SETD2: variants seen among roughly 807,000 people sequenced by gnomAD.
SETD2 encodes the protein histone-lysine N-methyltransferase SETD2.
SETD2 carries 31 observed loss-of-function variants against 242.1 expected under a neutral mutation model. The ratio of observed to expected loss-of-function variants is 0.13; its 90% confidence interval spans 0.10 to 0.17. The LOEUF is 0.17. Among genes scored for constraint, SETD2 ranks in the 10% least tolerant of loss-of-function variants. The pLI is 1.00. For missense variants in SETD2, 2,481 were observed against 3,046.3 expected (o/e 0.81, Z 4.37); for synonymous variants, 1,006 against 1,066.5 (o/e 0.94, Z 1.11).
intron 1 of SETD2, among the ~76,000 whole-genome samples, chr3:47,143,651 CTT>C (rs1397128993): frequency 1.3e-5 from 2 of 152,090 alleles, no homozygotes. Flanking sequence ...ATAAAACAAA[CTT>C]TTATCAGAAC....
At chr3:47,161,690 C>G (rs1259323287) in intron 1 of SETD2, among the ~76,000 whole-genome samples, 1 of 152,212 alleles carries the variant, frequency 6.6e-6, no homozygotes, top group Non-Finnish European at 1.5e-5. Flanking sequence ...AATCCCAGCA[C>G]TTTGGGAGGC....
intron 12 of SETD2, among the ~76,000 whole-genome samples, chr3:47,079,207 TAAG>T (rs779405637): frequency 2.2e-4 from 33 of 152,156 alleles, no homozygotes; most frequent in Non-Finnish European, 3.5e-4. Context: ...TTTAAAGTAT[TAAG>T]AAGGAAAATG....
At chr3:47,044,291 C>T (rs1003016136) in intron 16 of SETD2, among the ~76,000 whole-genome samples, 4 of 125,242 alleles carry the variant, frequency 3.2e-5, no homozygotes, top group East Asian at 2.6e-4. Context: ...TGCAGTGAGC[C>T]GCGAGATCAA....
chr3:47,111,987 T>C (rs1195962652), intron 5 of SETD2, among the ~76,000 whole-genome samples: 1 of 152,214 alleles, frequency 6.6e-6, no homozygotes, highest in Non-Finnish European at 1.5e-5. Context: ...TCTAAGTTAC[T>C]AGAATCCAGC....
At chr3:47,031,599 G>A (rs994634941) in intron 18 of SETD2, among the ~76,000 whole-genome samples, 6 of 152,192 alleles carry the variant, frequency 3.9e-5, no homozygotes, top group Admixed American at 2.6e-4. Flanking sequence ...ATGAGAGAAT[G>A]AAGAGTGCTG....
rs538679501 is a variant in SETD2, at chr3:47,087,829, C to T, written c.5277+284G>A. On this transcript the variant is annotated intron_variant, in intron 10 of 20. Transcript: ENST00000409792. ...TAAGAAAATACAAAAATCAGCTGGG[C>T]GTGGTGGCTGGCGCCTGTAATCCCA... 1.1e-4 allele frequency among the ~76,000 whole-genome samples: 17 copies of T among 149,068 alleles called. No homozygotes were observed. In the East Asian group the frequency reaches 3.2e-3, roughly 28 times the overall value.
intron 5 of SETD2, among the ~76,000 whole-genome samples, chr3:47,111,878 C>T (rs760433970): frequency 7.9e-5 from 12 of 152,032 alleles, no homozygotes; most frequent in Non-Finnish European, 1.8e-4. Flanking sequence ...GTTTTGAATT[C>T]CCACAATAAA....
In SETD2 at chr3:47,089,766, C is replaced by T. The variant is rs185273485; in HGVS notation, c.5143-1519G>A. Among the ~76,000 whole-genome samples, 241 of 151,918 alleles carry T rather than the reference C, an allele frequency of 1.6e-3. 3 individuals carry two copies. The highest frequency in any genetic ancestry group is 5.8e-3 in the Admixed American group (89 of 15,244). ...ATGTTACATAGAACTAAGAGGCCTA[C>T]ATAAGGGAGTAATTAGAATGAGTCA... On this transcript the variant is annotated intron_variant, in intron 9 of 20. Coordinates refer to ENST00000409792, the MANE Select transcript of SETD2 (RefSeq NM_014159.7).
rs1553707534 is a variant in SETD2 at position 47,163,899 on chromosome 3, G to A, written c.26C>T (p.Pro9Leu). The part of the protein sequence containing the change: MKQLQPQP[P>L]PKMGDFYDPE... ...GTCGTAGAAATCCCCCATCTTCGGA[G>A]GCGGCTGCGGCTGCAGCTGCTTCAT... Residue 9 changes from proline to leucine, a missense_variant, in exon 1 of 21, where the codon CCT (proline) becomes CTT (leucine). Coordinates refer to ENST00000409792, the MANE Select transcript of SETD2 (RefSeq NM_014159.7). 1.5e-6 allele frequency: 2 copies of A among 1,316,402 alleles called. No individual in the cohort carries two copies. Among genetic ancestry groups the A allele is most frequent in the Admixed American group, 3.1e-5 (1 of 32,012 alleles). 81.5% of individuals were successfully genotyped at this position (1,316,402 alleles called of 1,614,324 possible).
chr3:47,117,277 A>AC (rs1203283065), intron 3 of SETD2, among the ~76,000 whole-genome samples: 2 of 85,580 alleles, frequency 2.3e-5, no homozygotes, highest in Non-Finnish European at 4.6e-5. Context: ...AAAAAAAAAA[A>AC]AAACAAACAA....
intron 1 of SETD2, chr3:47,138,305 T>C: frequency 3.3e-6 from 1 of 303,978 alleles, no homozygotes; most frequent in Admixed American, 3.1e-5. Flanking sequence ...AGTCTCACTC[T>C]GTCGCCCAGG....
intron 1 of SETD2, among the ~76,000 whole-genome samples, chr3:47,151,441 T>C (rs532252064): frequency 3.9e-5 from 6 of 152,098 alleles, no homozygotes; most frequent in Non-Finnish European, 8.8e-5. Flanking sequence ...AACAAAAAAA[T>C]TGTGCAGCAC....
intron 12 of SETD2, among the ~76,000 whole-genome samples, chr3:47,068,688 G>C (rs1203826625): frequency 6.6e-6 from 1 of 151,974 alleles, no homozygotes; most frequent in Non-Finnish European, 1.5e-5. Context: ...GTAAAGACAG[G>C]GTTTCACCAT....
rs183862100 is a variant in SETD2 at position 47,088,294 on chromosome 3, A to C, written c.5143-47T>G. Reference sequence around the variant, plus strand: ...CCTTTTTATAAAACAACAACAACAAAAAAAAAAACCAAAAACCCAAAAAGT... The same window carrying C: ...CCTTTTTATAAAACAACAACAACAACAAAAAAAACCAAAAACCCAAAAAGT... On this transcript the variant is annotated intron_variant, in intron 9 of 20. Transcript: ENST00000409792. 9,547 of 1,561,232 alleles carry C rather than the reference A, an allele frequency of 6.1e-3. 62 individuals carry two copies. The highest frequency in any genetic ancestry group is 0.022 in the African/African-American group (1,548 of 71,950).
chr3:47,061,271 T>C (rs906320257), intron 14 of SETD2, among the ~76,000 whole-genome samples: 9 of 152,062 alleles, frequency 5.9e-5, no homozygotes, highest in Non-Finnish European at 1.3e-4. Context: ...TACAAACCTA[T>C]AGTAACCAAA....
chr3:47,092,591 C>A (rs1444643101), intron 9 of SETD2, among the ~76,000 whole-genome samples: 1 of 150,274 alleles, frequency 6.7e-6, no homozygotes, highest in Non-Finnish European at 1.5e-5. Flanking sequence ...TATATATGCA[C>A]AATTCTATAG....
At chr3:47,076,577 C>T (rs1336249919) in intron 12 of SETD2, among the ~76,000 whole-genome samples, 1 of 152,144 alleles carries the variant, frequency 6.6e-6, no homozygotes, top group East Asian at 1.9e-4. Context: ...AAAAAATTGT[C>T]CATGCCTTTG....
intron 6 of SETD2, 118 bp from the exon 7 acceptor site, chr3:47,103,541 C>T (rs2042295391): frequency 1.3e-6 from 1 of 764,206 alleles, no homozygotes; most frequent in Non-Finnish European, 2.2e-6. Context: ...TGCTGCGAAA[C>T]CTAACCAGTT....
intron 9 of SETD2, among the ~76,000 whole-genome samples, chr3:47,096,594 AAAG>A (rs1257153599): frequency 0.13 from 5,325 of 41,496 alleles, 371 homozygotes; most frequent in East Asian, 0.3. Flanking sequence ...AAAAAAAAAA[AAAG>A]GGGGGCTGGG....
Sources: allele counts gnomAD v4.1 joint callset (sites outside exome capture counted in the v4.1 genomes callset), GRCh38; gene constraint gnomAD v4.1.1; transcripts MANE v1.5; gene names NCBI Gene and HGNC (gene_info 2026-07-23, HGNC 2026-07-21).